Variants in CCNYL1 observed in about 807,000 individuals in gnomAD.
The protein encoded by CCNYL1 is cyclin Y like 1, also known as cyclin-Y-like protein 1.
Under a neutral mutation model 44.2 loss-of-function variants are expected in CCNYL1, and 16 were observed. That is an observed-to-expected ratio of 0.36 (90% CI 0.25 to 0.55). CCNYL1 has a LOEUF of 0.55. Among genes scored for constraint, CCNYL1 ranks in the 20% least tolerant of loss-of-function variants. CCNYL1 has a pLI of 0.85. For synonymous variants in CCNYL1, 159 were observed against 163.2 expected, an observed-to-expected ratio of 0.97 and a Z score of 0.20; for missense variants, 348 against 451.8, an observed-to-expected ratio of 0.77 and a Z score of 2.08.
intron 3 of CCNYL1, among the ~76,000 whole-genome samples, chr2:207,729,250 GCCCCCCC>G (rs1247562126): frequency 1.5e-5 from 1 of 68,188 alleles, no homozygotes; most frequent in African/African-American, 8.8e-5. Flanking sequence ...ACTTGTCTCC[GCCCCCCC>G]CCGCCCCCAC....
Position 207,747,231 on chromosome 2 carries a change from T to C in CCNYL1, c.806+18T>C. On this transcript the variant is annotated intron_variant, in intron 8 of 9. Transcript: ENST00000295414. Reference sequence around the variant, plus strand: ...GAGGACATGTGAGTTTGTAAGGTTTTGGTGAACTTTCTAACCATTTTCCAG... The same window carrying C: ...GAGGACATGTGAGTTTGTAAGGTTTCGGTGAACTTTCTAACCATTTTCCAG... 6.3e-7 allele frequency: 1 copy of C among 1,589,186 alleles called. No individual in the cohort carries two copies. Among genetic ancestry groups the C allele is most frequent in the Non-Finnish European group, 8.6e-7 (1 of 1,163,242 alleles).
At chr2:207,720,274 A>G (rs1007874348) in intron 1 of CCNYL1, among the ~76,000 whole-genome samples, 6 of 151,350 alleles carry the variant, frequency 4.0e-5, no homozygotes, top group Admixed American at 3.9e-4. Context: ...TTATAGAATG[A>G]CTCATGGGCT....
intron 1 of CCNYL1, chr2:207,714,377 G>A (rs916648952): frequency 2.0e-5 from 8 of 395,444 alleles, no homozygotes; most frequent in African/African-American, 2.0e-4. Context: ...GGCTGGCCTC[G>A]AACTCCTGGC....
chr2:207,733,678 T>C, intron 3 of CCNYL1, among the ~76,000 whole-genome samples: 1 of 152,208 alleles, frequency 6.6e-6, no homozygotes, highest in East Asian at 1.9e-4. Flanking sequence ...TTCCCATTAA[T>C]TTATACAGGG....
Position 207,741,022 on chromosome 2 carries a change from G to A in CCNYL1, c.519+316G>A, listed in dbSNP as rs527447188. Among the ~76,000 whole-genome samples the A allele has an allele frequency of 4.9e-4, 74 of 152,168 alleles. 1 individual carries two copies. The highest frequency in any genetic ancestry group is 7.2e-4 in the Non-Finnish European group (49 of 68,006). On this transcript the variant is annotated intron_variant, in intron 6 of 9. Transcript: ENST00000295414. ...TGTAATCTCAGCACTTTGGGAGGCC[G>A]AGGCAGGCGGATCACGAGGTCAGGA... is the stretch of plus-strand genomic sequence containing the variant.
At chr2:207,718,181 G>A (rs1476153896) in intron 1 of CCNYL1, among the ~76,000 whole-genome samples, 2 of 152,150 alleles carry the variant, frequency 1.3e-5, no homozygotes, top group African/African-American at 2.4e-5. Context: ...TGGGATTACA[G>A]GTGTGAGCCA....
At chr2:207,747,424 T>C (rs1312450871) in intron 8 of CCNYL1, among the ~76,000 whole-genome samples, 1 of 152,220 alleles carries the variant, frequency 6.6e-6, no homozygotes, top group African/African-American at 2.4e-5. Flanking sequence ...TTTCCATCAT[T>C]ACTTGGTAGG....
intron 3 of CCNYL1, 102 bp from the exon 4 acceptor site, chr2:207,733,845 A>T (rs1040506144): frequency 1.4e-4 from 100 of 733,060 alleles, no homozygotes; most frequent in Non-Finnish European, 2.0e-4. Flanking sequence ...AGTGTAAGAA[A>T]TATCTTAATG....
rs1472088095 is a variant in CCNYL1 at position 207,752,830 on chromosome 2, G to A, written c.970-758G>A. Among the ~76,000 whole-genome samples the A allele has an allele frequency of 2.6e-5, 4 of 152,012 alleles. No individual in the cohort carries two copies. In the East Asian group the frequency reaches 7.8e-4, roughly 30 times the overall value. On this transcript the variant is annotated intron_variant, in intron 9 of 9. Coordinates refer to ENST00000295414, the MANE Select transcript of CCNYL1 (RefSeq NM_001330218.2). Reference sequence around the variant, plus strand: ...GGCAGGCGGGATCACCTGAGGTCAGGAGTTTGAGACCAGCCTGGCCAACAT... The same window carrying A: ...GGCAGGCGGGATCACCTGAGGTCAGAAGTTTGAGACCAGCCTGGCCAACAT...
chr2:207,733,609 GA>G (rs2091744830), intron 3 of CCNYL1, among the ~76,000 whole-genome samples: 1 of 152,178 alleles, frequency 6.6e-6, no homozygotes, highest in South Asian at 2.1e-4. Flanking sequence ...AGGAATAATA[GA>G]AAATCTCAGC....
intron 9 of CCNYL1, among the ~76,000 whole-genome samples, chr2:207,752,546 A>G (rs2091901512): frequency 1.3e-5 from 2 of 151,470 alleles, no homozygotes; most frequent in Admixed American, 6.6e-5. Flanking sequence ...AAAAAAAAAA[A>G]ATAATAATGT....
At chr2:207,736,263 A>T (rs910808937) in intron 4 of CCNYL1, among the ~76,000 whole-genome samples, 4 of 152,220 alleles carry the variant, frequency 2.6e-5, no homozygotes, top group East Asian at 1.9e-4. Context: ...CAGACTTTTT[A>T]AAAAAGTGCT....
intron 1 of CCNYL1, chr2:207,714,364 C>T (rs1220425988): frequency 7.3e-6 from 3 of 409,048 alleles, no homozygotes; most frequent in Non-Finnish European, 1.4e-5. Flanking sequence ...ACTGTGTTGA[C>T]CAGGCTGGCC....
At chr2:207,741,590 T>TAATC (rs2091810266) in intron 6 of CCNYL1, among the ~76,000 whole-genome samples, 1 of 152,244 alleles carries the variant, frequency 6.6e-6, no homozygotes, top group Non-Finnish European at 1.5e-5. Context: ...CTCACCCCTG[T>TAATC]AATCCCAGCT....
At position 207,753,655 on chromosome 2, in the gene CCNYL1, A is replaced by G; in HGVS notation, c.1037A>G (p.Asp346Gly). 1 of 1,613,652 alleles carries G rather than the reference A, an allele frequency of 6.2e-7. No homozygotes were observed. The highest frequency in any genetic ancestry group is 8.5e-7 in the Non-Finnish European group (1 of 1,179,658). Reference protein sequence around the residue: ...RAAMRRSFSADNFIGIQRSKA... With the variant: ...RAAMRRSFSAGNFIGIQRSKA... ...GCTATGAGAAGGTCTTTCAGTGCTG[A>G]TAACTTCATTGGTATTCAGCGCTCT... The change falls in exon 10 of 10, where the codon GAT (aspartate) becomes GGT (glycine). Residue 346 changes from aspartate to glycine, a missense_variant. Asp to Gly is a moderately conservative substitution (Grantham distance 94, BLOSUM62 -1). Around this residue, in one of 3 missense-constraint regions of CCNYL1, gnomAD observed 94 missense variants for 102.4 expected, o/e 0.92. Coordinates refer to ENST00000295414, the MANE Select transcript of CCNYL1 (RefSeq NM_001330218.2).
chr2:207,720,871 C>T (rs927641934), intron 1 of CCNYL1, among the ~76,000 whole-genome samples: 1 of 152,196 alleles, frequency 6.6e-6, no homozygotes, highest in Non-Finnish European at 1.5e-5. Context: ...AGACTGAACA[C>T]TGACATAGAA....
intron 2 of CCNYL1, 121 bp from the exon 3 acceptor site, chr2:207,726,721 G>C: frequency 1.6e-6 from 1 of 615,834 alleles, no homozygotes; most frequent in Non-Finnish European, 2.8e-6. Flanking sequence ...AATTTTGTTG[G>C]AAATTATTTT....
At chr2:207,744,897 A>G (rs765243627) in intron 7 of CCNYL1, among the ~76,000 whole-genome samples, 2 of 152,218 alleles carry the variant, frequency 1.3e-5, no homozygotes, top group Non-Finnish European at 2.9e-5. Context: ...TGGACATAGC[A>G]GGAATTGTGC....
intron 6 of CCNYL1, 147 bp from the exon 7 acceptor site, chr2:207,742,075 CG>C (rs1559171378): frequency 1.3e-5 from 8 of 615,556 alleles, no homozygotes; most frequent in Non-Finnish European, 2.1e-5. Context: ...CACTTAAACC[CG>C]GGGGGTAGAG....
Sources: gnomAD v4.1 joint callset for allele counts (sites outside exome capture counted in the v4.1 genomes callset) on GRCh38, gnomAD v4.1.1 for gene constraint, gnomAD v4.1.1 regional missense constraint, MANE v1.5 for transcripts, NCBI Gene and HGNC (gene_info 2026-07-23, HGNC 2026-07-21) for gene names.